Variants in PPP2R3A observed in about 807,000 individuals in gnomAD.
PPP2R3A encodes serine/threonine-protein phosphatase 2A regulatory subunit B'' subunit alpha.
PPP2R3A carries 80 observed loss-of-function variants against 106.9 expected under a neutral mutation model. The ratio of observed to expected loss-of-function variants is 0.75; its 90% CI spans 0.62 to 0.90. The LOEUF (loss-of-function observed/expected upper bound fraction) is 0.90. PPP2R3A is among the 40% of genes least tolerant of loss of function. PPP2R3A has a pLI of 0.00. For missense variants in PPP2R3A, 1,386 were observed against 1,350.4 expected, an observed-to-expected ratio of 1.03 and a Z score of -0.41; for synonymous variants, 483 against 468.3, an observed-to-expected ratio of 1.03 and a Z score of -0.41.
At position 136,087,245 on chromosome 3, in the gene PPP2R3A, G is replaced by GTCTCTCTCTCTCTCTCTCTCTCTCTC. The variant is rs34566151; in HGVS notation, c.2789-609_2789-584dup. On this transcript the variant is annotated intron_variant, in intron 8 of 13. Transcript: ENST00000264977. ...AATGAAAGAACAGGTCTCTAGTCGTGTCTCTCTCTCTCTCTCTCTCTCTCT... is the reference window on the plus strand; with the variant it reads ...AATGAAAGAACAGGTCTCTAGTCGTGTCTCTCTCTCTCTCTCTCTCTCTCTCTCTCTCTCTCTCTCTCTCTCTCTCT... Among the ~76,000 whole-genome samples the GTCTCTCTCTCTCTCTCTCTCTCTCTC allele has an allele frequency of 4.0e-5, 3 of 75,128 alleles. 1 individual carries two copies. The highest frequency in any genetic ancestry group is 1.8e-4 in the Admixed American group (1 of 5,536). The allele number at this position is 75,128 out of a possible 152,430, so 49.3% of individuals were successfully genotyped here.
Position 136,084,790 on chromosome 3 carries a change from T to G in PPP2R3A, c.2788+2369T>G, listed in dbSNP as rs192723450. Among the ~76,000 whole-genome samples, 220 of 152,300 alleles carry G rather than the reference T, an allele frequency of 1.4e-3. 3 individuals carry two copies. Among genetic ancestry groups the G allele is most frequent in the African/African-American group, 4.7e-3 (194 of 41,572 alleles). ...AGTCAAAGGAGATCATTTTGGAACT[T>G]TAAGGTTTAATGACTGCAGTATTGG... On this transcript the variant is annotated intron_variant, in intron 8 of 13. Coordinates refer to ENST00000264977, the MANE Select transcript of PPP2R3A (RefSeq NM_002718.5).
chr3:136,055,582 G>A, intron 5 of PPP2R3A: 1 of 1,403,462 alleles, frequency 7.1e-7, no homozygotes, highest in Non-Finnish European at 1.0e-6. Context: ...GTCTTTCTCT[G>A]CAGTACTGTA....
At chr3:136,061,942 A>C (rs944164414) in intron 5 of PPP2R3A, among the ~76,000 whole-genome samples, 3 of 151,792 alleles carry the variant, frequency 2.0e-5, no homozygotes, top group East Asian at 3.9e-4. Flanking sequence ...AAAAAAAAAA[A>C]AAAACACTGA....
At chr3:136,058,845 C>G (rs545380085) in intron 5 of PPP2R3A, among the ~76,000 whole-genome samples, 2 of 152,218 alleles carry the variant, frequency 1.3e-5, no homozygotes, top group South Asian at 4.2e-4. Flanking sequence ...TAAGACTGCA[C>G]AGCTACAACT....
intron 13 of PPP2R3A, among the ~76,000 whole-genome samples, chr3:136,138,053 G>A (rs978547227): frequency 2.0e-4 from 30 of 152,120 alleles, no homozygotes; most frequent in Non-Finnish European, 3.8e-4. Context: ...AGGGTATAGG[G>A]AAAGAAAAAG....
intron 5 of PPP2R3A, among the ~76,000 whole-genome samples, chr3:136,058,127 A>G (rs1432538274): frequency 6.6e-6 from 1 of 152,238 alleles, no homozygotes; most frequent in Non-Finnish European, 1.5e-5. Context: ...AGAGCCATAT[A>G]TGACAAGCAT....
At chr3:136,068,617 A>G (rs991543350) in intron 5 of PPP2R3A, among the ~76,000 whole-genome samples, 1 of 152,222 alleles carries the variant, frequency 6.6e-6, no homozygotes, top group Non-Finnish European at 1.5e-5. Flanking sequence ...CAAAATCACT[A>G]TTAAGTAAAC....
intron 1 of PPP2R3A, among the ~76,000 whole-genome samples, chr3:135,968,468 T>C (rs1299061538): frequency 6.6e-6 from 1 of 152,070 alleles, no homozygotes; most frequent in African/African-American, 2.4e-5. Context: ...GGAACAGATG[T>C]GAATACCTTG....
chr3:136,056,494 C>A (rs897357026), intron 5 of PPP2R3A, among the ~76,000 whole-genome samples: 3 of 144,248 alleles, frequency 2.1e-5, no homozygotes, highest in South Asian at 2.2e-4. Flanking sequence ...AAAAAAAAAA[C>A]CAGTTATTTT....
At chr3:136,104,300 G>T (rs1937458270) in intron 12 of PPP2R3A, among the ~76,000 whole-genome samples, 1 of 60,252 alleles carries the variant, frequency 1.7e-5, no homozygotes, top group African/African-American at 3.3e-5. Flanking sequence ...TTCTTTCTTT[G>T]TGTGTGTGTG....
rs893913851 is a variant in PPP2R3A at position 136,100,839 on chromosome 3, CA to C, written c.2928-1162del. On this transcript the variant is annotated intron_variant, in intron 10 of 13. Coordinates refer to ENST00000264977, the MANE Select transcript of PPP2R3A (RefSeq NM_002718.5). ...TGAGACCCCATCTCTAAAGTTAAAACAAAAAATCTGAAGGCAAAACACCACA... is the reference window on the plus strand; with the variant it reads ...TGAGACCCCATCTCTAAAGTTAAAACAAAAATCTGAAGGCAAAACACCACA... Among the ~76,000 whole-genome samples, 4 of 152,104 alleles carry C rather than the reference CA, an allele frequency of 2.6e-5. No homozygotes were observed. In the South Asian group the frequency reaches 8.3e-4, roughly 32 times the overall value.
intron 2 of PPP2R3A, among the ~76,000 whole-genome samples, chr3:136,017,413 G>A (rs1190378391): frequency 4.6e-5 from 7 of 152,234 alleles, no homozygotes. Context: ...TACTCAGCCT[G>A]TTAGAACTAC....
intron 13 of PPP2R3A, among the ~76,000 whole-genome samples, chr3:136,144,542 TC>T (rs776396588): frequency 2.0e-5 from 3 of 152,006 alleles, no homozygotes; most frequent in Non-Finnish European, 2.9e-5. Flanking sequence ...ATGCATGTAG[TC>T]CCAGCTACTG....
Position 136,092,472 on chromosome 3 carries a change from G to A in PPP2R3A, c.2927+1805G>A, listed in dbSNP as rs190191065. 6.6e-5 allele frequency among the ~76,000 whole-genome samples: 10 copies of A among 152,054 alleles called. No homozygotes were observed. The East Asian group carries it at 1.9e-3, about 29-fold the overall frequency. ...TTAGTTTGAGTCAAAAGCTTTTTTT[G>A]TTTTTCGATGGTTTTTATTTTTTTT... On this transcript the variant is annotated intron_variant, in intron 10 of 13. Transcript: ENST00000264977.
rs1463483478 is a variant in PPP2R3A at position 136,082,317 on chromosome 3, T to A, written c.2684T>A (p.Phe895Tyr). 1.0e-5 allele frequency: 16 copies of A among 1,603,546 alleles called. No homozygotes were observed. The highest frequency in any genetic ancestry group is 1.7e-4 in the Middle Eastern group (1 of 6,034). ...GATATAAACCAAATTACAGATTACTTCTCCTATGAACATTTCTATGTTATT... is the reference window on the plus strand; with the variant it reads ...GATATAAACCAAATTACAGATTACTACTCCTATGAACATTTCTATGTTATT... ...EEDINQITDY[F>Y]SYEHFYVIYC... is the part of the protein sequence containing the mutation. The change falls in exon 8 of 14, where the codon TTC (phenylalanine) becomes TAC (tyrosine). Residue 895 changes from phenylalanine (F) to tyrosine (Y), a missense_variant. Phe to Tyr is a conservative substitution (Grantham distance 22). Coordinates refer to ENST00000264977, the MANE Select transcript of PPP2R3A (RefSeq NM_002718.5).
rs920753567 is a variant in PPP2R3A at position 136,072,981 on chromosome 3, T to G, written c.2544+2429T>G. ...TTTTGGTTTTTGTTTGTTTGGGTTT[T>G]TTTTGAGACGGAGTCTCACTCTGTC... On this transcript the variant is annotated intron_variant, in intron 6 of 13. Transcript: ENST00000264977. Among the ~76,000 whole-genome samples the G allele has an allele frequency of 4.6e-5, 7 of 152,252 alleles. No individual in the cohort carries two copies. The East Asian group carries it at 1.4e-3, about 29-fold the overall frequency.
chr3:136,055,282 T>C, intron 5 of PPP2R3A: 1 of 866,864 alleles, frequency 1.2e-6, no homozygotes, highest in Non-Finnish European at 2.0e-6. Flanking sequence ...ATCACAGACC[T>C]GAGTCTGTTG....
chr3:136,081,981 A>G (rs2107930016), intron 7 of PPP2R3A, among the ~76,000 whole-genome samples: 1 of 152,136 alleles, frequency 6.6e-6, no homozygotes, highest in East Asian at 1.9e-4. Context: ...CCAGTCTCTG[A>G]CCTCTGACCA....
At chr3:136,040,794 TTTC>T (rs2107845165) in intron 3 of PPP2R3A, 62 bp from the exon 4 acceptor site, 1 of 1,382,600 alleles carries the variant, frequency 7.2e-7, no homozygotes, top group East Asian at 2.5e-5. Context: ...ACAAAGATCT[TTTC>T]TTTGGCCGTG....
Sources: allele counts gnomAD v4.1 joint callset (sites outside exome capture counted in the v4.1 genomes callset), GRCh38; gene constraint gnomAD v4.1.1; transcripts MANE v1.5; gene names NCBI Gene and HGNC (gene_info 2026-07-23, HGNC 2026-07-21).